Variants in AZIN2 observed in about 807,000 individuals in gnomAD.
AZIN2 encodes ODC antizyme inhibitor-2.
A neutral mutation model predicts 47.8 loss-of-function variants in AZIN2; 28 were observed. The observed-to-expected ratio is 0.59, with a 90% CI of 0.43 to 0.80. The LOEUF (loss-of-function observed/expected upper bound fraction) is 0.80, where lower values mean the gene tolerates loss of function less well. Ranked by LOEUF, AZIN2 falls within the 30% of genes least tolerant of loss-of-function variation. The pLI is 0.00. For missense variants in AZIN2, 535 were observed against 582.5 expected (o/e 0.92, Z 0.84); for synonymous variants, 221 against 239.4 (o/e 0.92, Z 0.71).
the AZIN2 span, among the ~76,000 whole-genome samples, chr1:33,154,097 T>G: frequency 2.0e-5 from 3 of 152,194 alleles, no homozygotes; most frequent in Non-Finnish European, 4.4e-5. Flanking sequence ...CCGAAGGGAA[T>G]GGCATGTGCA....
At chr1:33,137,733 AC>A in the AZIN2 span, among the ~76,000 whole-genome samples, 2 of 151,954 alleles carry the variant, frequency 1.3e-5, no homozygotes, top group Admixed American at 1.3e-4. Flanking sequence ...GTGGCTCAGC[AC>A]CCTCCTTGGC....
At chr1:33,128,034 A>G (rs1245694389), downstream of AZIN2, among the ~76,000 whole-genome samples, 2 of 152,072 alleles carry the variant, frequency 1.3e-5, no homozygotes, top group African/African-American at 2.4e-5. Context: ...GGATAATAGT[A>G]TCTACCTTAT....
chr1:33,099,559 G>T (rs1643491582), intron 10 of AZIN2, among the ~76,000 whole-genome samples: 1 of 152,148 alleles, frequency 6.6e-6, no homozygotes, highest in South Asian at 2.1e-4. Flanking sequence ...TTGCATGCTG[G>T]CTCTCACCCA....
chr1:33,148,790 G>A, the AZIN2 span, among the ~76,000 whole-genome samples: 1 of 152,178 alleles, frequency 6.6e-6, no homozygotes, highest in African/African-American at 2.4e-5. Flanking sequence ...TAGACAATGG[G>A]TCTGAAAAGA....
chr1:33,100,025 T>C (rs2124572820), intron 10 of AZIN2, among the ~76,000 whole-genome samples: 1 of 152,174 alleles, frequency 6.6e-6, no homozygotes, highest in East Asian at 1.9e-4. Flanking sequence ...GACCTGGGTA[T>C]AAAAAGTTGT....
In AZIN2 at chr1:33,121,511, G is replaced by A. The variant is rs182039129; in HGVS notation, c.*1329G>A. On this transcript the variant is annotated 3_prime_UTR_variant, in exon 12 of 12. Transcript: ENST00000294517. ...AGGGAGGTGGAGGTCGCAGTGAGCC[G>A]AGGTTGCAGTGAGCCGAGATTGCAC... Among the ~76,000 whole-genome samples, 10 of 152,298 alleles carry A rather than the reference G, an allele frequency of 6.6e-5. No homozygotes were observed. In the East Asian group the frequency reaches 9.7e-4, roughly 15 times the overall value.
intron 5 of AZIN2, among the ~76,000 whole-genome samples, chr1:33,087,105 C>T (rs1380086680): frequency 6.6e-6 from 1 of 152,004 alleles, no homozygotes; most frequent in East Asian, 1.9e-4. Flanking sequence ...CATAGATAAT[C>T]ACCAGGATGG....
chr1:33,136,306 TTC>T, the AZIN2 span, among the ~76,000 whole-genome samples: 1 of 141,784 alleles, frequency 7.1e-6, no homozygotes, highest in African/African-American at 2.5e-5. Context: ...TTCTTTTTCT[TTC>T]TTTCTTTCTT....
In AZIN2 at chr1:33,098,068, GGAAAATGGT is replaced by G. The variant is rs772851384; in HGVS notation, c.919_927del (p.Glu307_Gly309del). On this transcript the variant is annotated inframe_deletion and splice_region_variant, in exon 10 of 12. Transcript: ENST00000294517. ...CCTCTGAACCCTCCCCTCCTGCAGAGGAAAATGGTTCCACCTCCAAGACCATCGTGTACC... is the reference window on the plus strand; with the variant it reads ...CCTCTGAACCCTCCCCTCCTGCAGAGTCCACCTCCAAGACCATCGTGTACC... 546 of 1,613,272 alleles carry G rather than the reference GGAAAATGGT, an allele frequency of 3.4e-4. 1 individual carries two copies. Among genetic ancestry groups the G allele is most frequent in the Non-Finnish European group, 4.4e-4 (516 of 1,179,356 alleles).
chr1:33,084,280 T>A (rs1445401851), intron 5 of AZIN2, among the ~76,000 whole-genome samples, 153 bp downstream of exon 5: 1 of 152,178 alleles, frequency 6.6e-6, no homozygotes, highest in Non-Finnish European at 1.5e-5. Context: ...TCTCAAGGGA[T>A]GAGGGAGGGA....
chr1:33,098,037 G>T, intron 9 of AZIN2, 30 bp from the exon 10 acceptor site: 1 of 1,550,902 alleles, frequency 6.4e-7, no homozygotes, highest in Non-Finnish European at 8.9e-7. Flanking sequence ...ATTGCTACTT[G>T]TGCTGCCTCT....
chr1:33,086,132 A>G (rs1641868156), intron 5 of AZIN2, among the ~76,000 whole-genome samples: 1 of 152,094 alleles, frequency 6.6e-6, no homozygotes. Flanking sequence ...CCCTTTGCTG[A>G]GTGTGTCTGT....
At chr1:33,101,738 G>A in intron 10 of AZIN2, 2 of 664,860 alleles carry the variant, frequency 3.0e-6, no homozygotes, top group Non-Finnish European at 5.5e-6. Context: ...TATTCCTCGA[G>A]TGTATTTATA....
the AZIN2 span, chr1:33,165,516 G>A: frequency 1.9e-6 from 3 of 1,610,822 alleles, no homozygotes; most frequent in African/African-American, 2.7e-5. This position sits in a 1 kb window ranked among gnomAD's most constrained non-coding sequence, Gnocchi z 4.0. Context: ...GCGCTTCGGT[G>A]TGTTCCCGCT....
the AZIN2 span, among the ~76,000 whole-genome samples, chr1:33,161,155 C>T: frequency 6.6e-6 from 1 of 152,220 alleles, no homozygotes; most frequent in South Asian, 2.1e-4. This position sits in a 1 kb window ranked among gnomAD's most constrained non-coding sequence, Gnocchi z 4.3. Flanking sequence ...GTGCGCACTC[C>T]AAGGCGCAGA....
intron 10 of AZIN2, among the ~76,000 whole-genome samples, chr1:33,106,690 G>A (rs1252223803): frequency 6.6e-6 from 1 of 152,150 alleles, no homozygotes. Flanking sequence ...AGTAGATGGA[G>A]AACAAGCATT....
intron 10 of AZIN2, among the ~76,000 whole-genome samples, chr1:33,110,505 T>C (rs1436572598): frequency 3.9e-5 from 6 of 152,226 alleles, no homozygotes; most frequent in Non-Finnish European, 8.8e-5. Flanking sequence ...ATTGAAAATA[T>C]GACCAAAGAA....
chr1:33,121,459 A>G lies in AZIN2; in HGVS notation c.*1277A>G, dbSNP rs1177710420. ...GTGCCTGTAATTCCAGCTACTCAGGAGGCTGAGGCAGGAGAATCACTTGAA... is the reference window on the plus strand; with the variant it reads ...GTGCCTGTAATTCCAGCTACTCAGGGGGCTGAGGCAGGAGAATCACTTGAA... On this transcript the variant is annotated 3_prime_UTR_variant, in exon 12 of 12. Transcript: ENST00000294517. 2.6e-5 allele frequency among the ~76,000 whole-genome samples: 4 copies of G among 152,202 alleles called. No homozygotes were observed.
In AZIN2 at chr1:33,081,979, A is replaced by C; in HGVS notation, c.-73+167A>C. The stretch of plus-strand genomic sequence containing the variant: ...TACAGAGGGAGCAACTGACTCGGAG[A>C]GGCAGTGACATTTGGGCATACGGTG... On this transcript the variant is annotated intron_variant, in intron 3 of 11. Transcript: ENST00000294517. This position sits in a 1 kb window ranked among gnomAD's most constrained non-coding sequence, Gnocchi z 4.2. The C allele has an allele frequency of 2.1e-6, 1 of 468,074 alleles. No homozygotes were observed. The highest frequency in any genetic ancestry group is 3.9e-6 in the Non-Finnish European group (1 of 254,648). 29.0% of individuals were successfully genotyped at this position (468,074 alleles called of 1,614,324 possible).
Sources: allele counts gnomAD v4.1 joint callset (sites outside exome capture counted in the v4.1 genomes callset), GRCh38; gene constraint gnomAD v4.1.1; non-coding constraint Gnocchi (gnomAD v3.1); transcripts MANE v1.5; gene names NCBI Gene and HGNC (gene_info 2026-07-23, HGNC 2026-07-21).